SPTBN2: variants seen among roughly 807,000 people sequenced by gnomAD.
The protein encoded by SPTBN2 is spectrin beta, non-erythrocytic 2.
In SPTBN2, 107 loss-of-function variants were observed where a neutral mutation model predicts 284.2. That is an observed-to-expected ratio of 0.38 (90% confidence interval 0.32 to 0.44). The LOEUF is 0.44. Ranked by LOEUF, SPTBN2 falls within the 20% of genes least tolerant of loss-of-function variation. The pLI is 1.00. For synonymous variants in SPTBN2, 1,289 were observed against 1,354.8 expected (o/e 0.95, Z 1.07); for missense variants, 2,569 against 3,287.1 (o/e 0.78, Z 5.34).
intron 3 of SPTBN2, among the ~76,000 whole-genome samples, chr11:66,719,531 A>G (rs946535824): frequency 1.3e-5 from 2 of 152,230 alleles, no homozygotes; most frequent in Non-Finnish European, 2.9e-5. Flanking sequence ...GTGGAGATAA[A>G]CACCCAATGA....
At position 66,683,892 on chromosome 11, in the gene SPTBN2, G is replaced by A. The variant is rs1416741166; in HGVS notation, c.*1979C>T. Among the ~76,000 whole-genome samples the A allele has an allele frequency of 1.3e-5, 2 of 152,246 alleles. No individual in the cohort carries two copies. Among genetic ancestry groups the A allele is most frequent in the African/African-American group, 4.8e-5 (2 of 41,462 alleles). On this transcript the variant is annotated 3_prime_UTR_variant, in exon 38 of 38. Transcript: ENST00000533211. ...TGGAGATTTTACAGTTGTATTTGAA[G>A]AAAAGATGCTGTGTAGTGCTGATGG...
intron 3 of SPTBN2, among the ~76,000 whole-genome samples, chr11:66,717,238 T>C (rs184807504): frequency 2.1e-4 from 32 of 151,848 alleles, no homozygotes; most frequent in Admixed American, 1.6e-3. Context: ...AAATACTAGG[T>C]TCCGTAGGAA....
Position 66,692,720 on chromosome 11 carries a change from T to C in SPTBN2, c.5006A>G (p.Gln1669Arg). 6.2e-7 allele frequency: 1 copy of C among 1,602,678 alleles called. No homozygotes were observed. The highest frequency in any genetic ancestry group is 1.1e-5 in the South Asian group (1 of 91,086). The change falls in exon 26 of 38, where the codon CAA becomes CGA. Residue 1669 changes from glutamine to arginine, a missense_variant. Transcript: ENST00000533211. ...HPESTRISIR[Q>R]AQVDKLYAGL... is the part of the protein sequence containing the mutation. ...GGCATACAGCTTGTCCACCTGGGCT[T>C]GGCGGATGGATATCCGAGTGCTGCA...
upstream of SPTBN2, among the ~76,000 whole-genome samples, chr11:66,729,642 G>C (rs953529005): frequency 2.0e-5 from 3 of 152,080 alleles, no homozygotes; most frequent in African/African-American, 7.2e-5. Context: ...ACCTCGCCTT[G>C]GTTTTCCTAG....
At position 66,704,693 on chromosome 11, in the gene SPTBN2, G is replaced by A. The variant is rs374953065; in HGVS notation, c.2583C>T (p.Ala861=). ...ALALYTMLSE[A]GACGLWVEEK... The stretch of plus-strand genomic sequence containing the variant: ...CCTCCACCCAGAGTCCACAGGCCCC[G>A]GCCTCGCTGAGCATGGTGTAGAGCG... The change falls in exon 15 of 38, where the codon GCC becomes GCT. Residue 861 remains alanine, a synonymous_variant. Coordinates refer to ENST00000533211, the MANE Select transcript of SPTBN2 (RefSeq NM_006946.4). The A allele has an allele frequency of 6.4e-5, 103 of 1,608,356 alleles. No homozygotes were observed. The African/African-American group carries it at 8.6e-4, about 13-fold the overall frequency.
At chr11:66,717,480 C>T (rs937314623) in intron 3 of SPTBN2, among the ~76,000 whole-genome samples, 1 of 152,200 alleles carries the variant, frequency 6.6e-6, no homozygotes, top group Non-Finnish European at 1.5e-5. Flanking sequence ...CACAGCAACA[C>T]ACCCACGTCG....
intron 13 of SPTBN2, among the ~76,000 whole-genome samples, chr11:66,706,125 G>A (rs899414200): frequency 6.6e-6 from 1 of 151,984 alleles, no homozygotes; most frequent in Non-Finnish European, 1.5e-5. Context: ...CCACCGCTCC[G>A]CCCCAGCACC....
At chr11:66,692,939 C>G (rs767040923) in intron 25 of SPTBN2, 31 bp downstream of exon 25, 1 of 1,599,864 alleles carries the variant, frequency 6.3e-7, no homozygotes, top group East Asian at 2.2e-5. Context: ...GGCTCCACCC[C>G]CAGGCTGGGC....
chr11:66,718,585 G>A lies in SPTBN2; in HGVS notation c.157+2499C>T, dbSNP rs1011884360. Reference sequence around the variant, plus strand: ...AAAACTCGCTGGCCTCATGCAGGCCGTTCCCGTGCACCCTGCTCACTCCGT... The same window carrying A: ...AAAACTCGCTGGCCTCATGCAGGCCATTCCCGTGCACCCTGCTCACTCCGT... On this transcript the variant is annotated intron_variant, in intron 3 of 37. Transcript: ENST00000533211. The surrounding 1 kb of genome is among the most constrained non-coding windows in gnomAD (Gnocchi z 4.8). 1.3e-5 allele frequency among the ~76,000 whole-genome samples: 2 copies of A among 152,180 alleles called. No individual in the cohort carries two copies. The highest frequency in any genetic ancestry group is 2.1e-4 in the South Asian group (1 of 4,832).
chr11:66,741,007 A>T (rs1942892004), intron 1 of SPTBN2, among the ~76,000 whole-genome samples: 2 of 152,030 alleles, frequency 1.3e-5, no homozygotes, highest in East Asian at 3.9e-4. Context: ...TTCCACTCAA[A>T]CCCTTGAGTT....
At position 66,693,056 on chromosome 11, in the gene SPTBN2, C is replaced by T. The variant is rs639938; in HGVS notation, c.4899G>A (p.Leu1633=). The T allele has an allele frequency of 0.057, 91,568 of 1,613,912 alleles. 3,203 individuals carry two copies. Among genetic ancestry groups the T allele is most frequent in the East Asian group, 0.11 (4,854 of 44,882 alleles). Residue 1633 remains leucine (L), a synonymous_variant, in exon 25 of 38, where the codon CTG becomes CTA. Transcript: ENST00000533211. This position sits in a 1 kb window ranked among gnomAD's most constrained non-coding sequence, Gnocchi z 5.7. ...AQAEVKKHQV[L]EQALADYAQT... ...GCGCGTAGTCGGCCAGGGCTTGCTCCAGCACCTGGTGCTTCTTCACCTCTG... is the reference window on the plus strand; with the variant it reads ...GCGCGTAGTCGGCCAGGGCTTGCTCTAGCACCTGGTGCTTCTTCACCTCTG...
intron 1 of SPTBN2, among the ~76,000 whole-genome samples, chr11:66,727,091 T>C: frequency 6.6e-6 from 1 of 152,202 alleles, no homozygotes; most frequent in Non-Finnish European, 1.5e-5. Context: ...GATTCTTCAC[T>C]CCCTTGCTAT....
rs148023060 is a variant in SPTBN2 at position 66,720,944 on chromosome 11, G to A, written c.157+140C>T. The A allele has an allele frequency of 9.9e-3, 11,433 of 1,149,410 alleles. 82 individuals are homozygous for A. Among genetic ancestry groups the A allele is most frequent in the Admixed American group, 0.013 (641 of 47,846 alleles). 71.2% of individuals were successfully genotyped at this position (1,149,410 alleles called of 1,614,324 possible). On this transcript the variant is annotated intron_variant, in intron 3 of 37. Coordinates refer to ENST00000533211, the MANE Select transcript of SPTBN2 (RefSeq NM_006946.4). ...GCCTATTCTTGAGGCTGGATGTGGGGACCAGGGAATTGATAGAGTGCTCTG... is the reference window on the plus strand; with the variant it reads ...GCCTATTCTTGAGGCTGGATGTGGGAACCAGGGAATTGATAGAGTGCTCTG...
At chr11:66,727,557 T>G (rs963695126) in intron 1 of SPTBN2, among the ~76,000 whole-genome samples, 2 of 152,206 alleles carry the variant, frequency 1.3e-5, no homozygotes, top group Non-Finnish European at 1.5e-5. Flanking sequence ...ATCAGCTTCC[T>G]GGCCACAGAA....
intron 3 of SPTBN2, among the ~76,000 whole-genome samples, chr11:66,720,023 A>C (rs1426447380): frequency 6.6e-6 from 1 of 152,212 alleles, no homozygotes; most frequent in African/African-American, 2.4e-5. Context: ...CTGGCTCAAA[A>C]GAATCACTTG....
chr11:66,686,613 A>T, intron 36 of SPTBN2, 173 bp from the exon 37 acceptor site: 1 of 750,780 alleles, frequency 1.3e-6, no homozygotes, highest in South Asian at 1.6e-5. Context: ...GTGCAGAAGC[A>T]CATCCTTTCT....
rs114870038 is a variant in SPTBN2, at chr11:66,697,828, C to T, written c.4014+811G>A. 2.5e-3 allele frequency among the ~76,000 whole-genome samples: 376 copies of T among 152,244 alleles called. 1 individual carries two copies. Among genetic ancestry groups the T allele is most frequent in the African/African-American group, 8.4e-3 (347 of 41,550 alleles). On this transcript the variant is annotated intron_variant, in intron 20 of 37. Coordinates refer to ENST00000533211, the MANE Select transcript of SPTBN2 (RefSeq NM_006946.4). ...GTGGAGCCTACCATGGGATCCCTTTCGGACCCCACGCAGGGCCTAATACAA... is the reference window on the plus strand; with the variant it reads ...GTGGAGCCTACCATGGGATCCCTTTTGGACCCCACGCAGGGCCTAATACAA...
At chr11:66,714,263 C>A in intron 6 of SPTBN2, 53 bp downstream of exon 6, 1 of 1,607,050 alleles carries the variant, frequency 6.2e-7, no homozygotes, top group Non-Finnish European at 8.5e-7. Flanking sequence ...TGGAGCCCAG[C>A]ACAGCCTGGG....
Position 66,710,769 on chromosome 11 carries a change from C to A in SPTBN2, c.886G>T (p.Val296Leu). 6.2e-7 allele frequency: 1 copy of A among 1,613,904 alleles called. No individual in the cohort carries two copies. The highest frequency in any genetic ancestry group is 8.5e-7 in the Non-Finnish European group (1 of 1,180,034). ...LAVEGKRIGK[V>L]LDHAMEAERL... is the part of the protein sequence containing the mutation. ...TCTGCCTCCATGGCATGGTCCAGCACCTGGGAGGCAGAAGACAGGGACGTG... is the reference window on the plus strand; with the variant it reads ...TCTGCCTCCATGGCATGGTCCAGCAACTGGGAGGCAGAAGACAGGGACGTG... Residue 296 changes from valine (V) to leucine (L), a missense_variant and splice_region_variant, in exon 10 of 38, where the codon GTG becomes TTG. Coordinates refer to ENST00000533211, the MANE Select transcript of SPTBN2 (RefSeq NM_006946.4). This position sits in a 1 kb window ranked among gnomAD's most constrained non-coding sequence, Gnocchi z 4.9.
Sources: gnomAD v4.1 joint callset for allele counts (sites outside exome capture counted in the v4.1 genomes callset) on GRCh38, gnomAD v4.1.1 for gene constraint, Gnocchi (gnomAD v3.1) non-coding constraint, MANE v1.5 for transcripts, NCBI Gene and HGNC (gene_info 2026-07-23, HGNC 2026-07-21) for gene names.